Variants in IL1RAPL1 observed in about 807,000 individuals in gnomAD.
IL1RAPL1 encodes interleukin 1 receptor accessory protein like 1, also known as interleukin-1 receptor accessory protein-like 1.
A neutral mutation model predicts 48.4 loss-of-function variants in IL1RAPL1; 3 were observed. The ratio of observed to expected loss-of-function variants is 0.06; its 90% CI spans 0.03 to 0.16. The LOEUF (loss-of-function observed/expected upper bound fraction) is 0.16, where lower values mean the gene tolerates loss of function less well. Among genes scored for constraint, IL1RAPL1 ranks in the 10% least tolerant of loss-of-function variants. The pLI, the probability that IL1RAPL1 is intolerant of heterozygous loss-of-function variation, is 1.00. For synonymous variants in IL1RAPL1, 185 were observed against 187.7 expected (o/e 0.99, Z 0.12); for missense variants, 349 against 530.6 (o/e 0.66, Z 3.36).
intron 1 of IL1RAPL1, among the ~76,000 whole-genome samples, chrX:28,636,297 A>G (rs764683943): frequency 2.9e-4 from 33 of 112,174 alleles, no homozygotes; most frequent in Non-Finnish European, 4.9e-4. Context: ...ATTGCCTACT[A>G]TAATTCCAGG....
At chrX:28,695,752 T>C (rs1280571827) in intron 1 of IL1RAPL1, among the ~76,000 whole-genome samples, 1 of 112,031 alleles carries the variant, frequency 8.9e-6, no homozygotes. Context: ...GGGGATGTAA[T>C]GGTGAACAAA....
chrX:28,727,815 CAAG>C (rs1203526151), intron 1 of IL1RAPL1, among the ~76,000 whole-genome samples: 1 of 109,884 alleles, frequency 9.1e-6, no homozygotes, highest in Non-Finnish European at 1.9e-5. Context: ...TAAACTATCG[CAAG>C]AACAAAAAAC....
intron 2 of IL1RAPL1, among the ~76,000 whole-genome samples, chrX:29,060,245 C>CAT (rs1423510136): frequency 3.6e-5 from 4 of 111,771 alleles, no homozygotes; most frequent in Non-Finnish European, 5.7e-5. Flanking sequence ...GGAATACACA[C>CAT]ATACACTCAT....
At chrX:28,613,316 A>C (rs1330377468) in intron 1 of IL1RAPL1, among the ~76,000 whole-genome samples, 1 of 112,445 alleles carries the variant, frequency 8.9e-6, no homozygotes, top group Non-Finnish European at 1.9e-5. Flanking sequence ...AATCAGCAAC[A>C]TGGGACTGGA....
intron 6 of IL1RAPL1, among the ~76,000 whole-genome samples, chrX:29,871,889 A>C (rs1408797689): frequency 1.8e-5 from 2 of 110,216 alleles, no homozygotes; most frequent in African/African-American, 3.3e-5. Context: ...ACGCCGGGCT[A>C]ATTTTCATAT....
At chrX:29,316,853 T>C (rs777347732) in intron 3 of IL1RAPL1, among the ~76,000 whole-genome samples, 1 of 111,651 alleles carries the variant, frequency 9.0e-6, no homozygotes. Context: ...TGTTTATAAT[T>C]TGGTATCTTA....
At chrX:29,034,640 T>C (rs1251963854) in intron 2 of IL1RAPL1, among the ~76,000 whole-genome samples, 1 of 111,378 alleles carries the variant, frequency 9.0e-6, no homozygotes, top group Non-Finnish European at 1.9e-5. Context: ...TTTATACTAG[T>C]TTTACAAAAT....
At chrX:29,662,810 C>T (rs7879517) in intron 5 of IL1RAPL1, among the ~76,000 whole-genome samples, 16,093 of 110,963 alleles carry the variant, frequency 0.15, 1,334 homozygotes, top group African/African-American at 0.31. Context: ...CATCAACTGA[C>T]CTCCCCGCAC....
At chrX:29,106,405 C>T (rs1378452492) in intron 2 of IL1RAPL1, among the ~76,000 whole-genome samples, 2 of 110,782 alleles carry the variant, frequency 1.8e-5, no homozygotes, top group Non-Finnish European at 3.8e-5. Context: ...TTTGGCTTTA[C>T]ATCCCGTTCT....
chrX:28,762,817 C>G (rs1441003412), intron 1 of IL1RAPL1, among the ~76,000 whole-genome samples: 191 of 42,022 alleles, frequency 4.5e-3, no homozygotes, highest in African/African-American at 0.014. Flanking sequence ...CACACACACA[C>G]ACACACAGAG....
intron 2 of IL1RAPL1, among the ~76,000 whole-genome samples, chrX:28,909,995 G>A (rs1487698556): frequency 9.0e-6 from 1 of 111,467 alleles, no homozygotes; most frequent in Non-Finnish European, 1.9e-5. Flanking sequence ...TTGGAGTATT[G>A]TATTTTAGCC....
chrX:29,427,046 T>A (rs1477673625), intron 5 of IL1RAPL1, among the ~76,000 whole-genome samples: 2 of 110,694 alleles, frequency 1.8e-5, no homozygotes, highest in African/African-American at 6.6e-5. Context: ...GTATAAGGAA[T>A]CTGGATCACC....
chrX:29,631,931 G>A (rs1187547702), intron 5 of IL1RAPL1, among the ~76,000 whole-genome samples: 6 of 111,981 alleles, frequency 5.4e-5, no homozygotes, highest in Non-Finnish European at 1.1e-4. Context: ...TTAAGGGTCA[G>A]ATAGCACTGC....
intron 6 of IL1RAPL1, among the ~76,000 whole-genome samples, chrX:29,845,891 G>A (rs1931236615): frequency 1.8e-5 from 2 of 110,303 alleles, no homozygotes; most frequent in African/African-American, 6.6e-5. Context: ...AGAGCAAGGG[G>A]GGAGGTGCCA....
chrX:29,636,727 A>G (rs1924975410), intron 5 of IL1RAPL1, among the ~76,000 whole-genome samples: 1 of 111,705 alleles, frequency 9.0e-6, no homozygotes, highest in Non-Finnish European at 1.9e-5. Context: ...TTTGTCACAT[A>G]GTTTATAACA....
At position 28,832,080 on chromosome X, in the gene IL1RAPL1, C is replaced by G. The variant is rs185859618; in HGVS notation, c.82+42655C>G. Among the ~76,000 whole-genome samples the G allele has an allele frequency of 5.4e-5, 6 of 111,341 alleles. No individual in the cohort carries two copies. The East Asian group carries it at 1.7e-3, about 31-fold the overall frequency. On this transcript the variant is annotated intron_variant, in intron 2 of 10. Transcript: ENST00000378993. ...AGCGTAATTAGCAAATTCATCACCA[C>G]AAACATTTATTTCTTTATGTTAGGA...
At position 29,336,071 on chromosome X, in the gene IL1RAPL1, A is replaced by T. The variant is rs1418763613; in HGVS notation, c.362+52854A>T. Among the ~76,000 whole-genome samples the T allele has an allele frequency of 7.5e-5, 8 of 106,028 alleles. No individual in the cohort carries two copies. In the East Asian group the frequency reaches 1.4e-3, roughly 19 times the overall value. The allele number at this position is 106,028 out of a possible 115,157, so 92.1% of individuals were successfully genotyped here. On this transcript the variant is annotated intron_variant, in intron 3 of 10. Coordinates refer to ENST00000378993, the MANE Select transcript of IL1RAPL1 (RefSeq NM_014271.4). ...CATAGCCAATCACTGGTATTAAAAA[A>T]ATATATATGTATATTATACGTATAT...
intron 3 of IL1RAPL1, among the ~76,000 whole-genome samples, chrX:29,330,112 C>T (rs1196516655): frequency 9.0e-6 from 1 of 110,846 alleles, no homozygotes; most frequent in Non-Finnish European, 1.9e-5. Flanking sequence ...TTGGACAACC[C>T]TGTAAATATA....
At chrX:28,701,484 A>G (rs1453671222) in intron 1 of IL1RAPL1, among the ~76,000 whole-genome samples, 1 of 112,373 alleles carries the variant, frequency 8.9e-6, no homozygotes, top group African/African-American at 3.2e-5. Context: ...AGAAATTACA[A>G]GAATACTGCA....
Sources: allele counts gnomAD v4.1 joint callset (sites outside exome capture counted in the v4.1 genomes callset), GRCh38; gene constraint gnomAD v4.1.1; transcripts MANE v1.5; gene names NCBI Gene and HGNC (gene_info 2026-07-23, HGNC 2026-07-21).